Variants in SLC1A3 observed in about 807,000 individuals in gnomAD.
SLC1A3 encodes the protein solute carrier family 1 member 3.
Under a neutral mutation model 48.1 loss-of-function variants are expected in SLC1A3, and 21 were observed. The observed-to-expected ratio is 0.44, with a 90% CI of 0.31 to 0.63. SLC1A3 has a LOEUF of 0.63. Ranked by LOEUF, SLC1A3 falls within the 20% of genes least tolerant of loss-of-function variation. The pLI is 0.08. For missense variants in SLC1A3, 546 were observed against 689.0 expected, an observed-to-expected ratio of 0.79 and a Z score of 2.32; for synonymous variants, 239 against 251.4, an observed-to-expected ratio of 0.95 and a Z score of 0.47.
Position 36,653,201 on chromosome 5 carries a change from C to T in SLC1A3, c.320-17828C>T, listed in dbSNP as rs146728736. ...CTGCCATCACACTTCTCAGCAGCTGCTTACAATTCTTTCACGTTCCCTCCC... is the reference window on the plus strand; with the variant it reads ...CTGCCATCACACTTCTCAGCAGCTGTTTACAATTCTTTCACGTTCCCTCCC... On this transcript the variant is annotated intron_variant, in intron 3 of 9. Coordinates refer to ENST00000265113, the MANE Select transcript of SLC1A3 (RefSeq NM_004172.5). Among the ~76,000 whole-genome samples, 889 of 152,316 alleles carry T rather than the reference C, an allele frequency of 5.8e-3. 9 individuals carry two copies. Among genetic ancestry groups the T allele is most frequent in the Non-Finnish European group, 6.5e-3 (445 of 68,014 alleles).
chr5:36,648,226 A>G (rs753813), intron 3 of SLC1A3, among the ~76,000 whole-genome samples: 28,658 of 152,056 alleles, frequency 0.19, 2,868 homozygotes, highest in Non-Finnish European at 0.24. Flanking sequence ...AAAGATTTGC[A>G]TTTCAATTTT....
chr5:36,596,806 G>T (rs1161612393), intron 1 of SLC1A3, among the ~76,000 whole-genome samples: 1 of 152,196 alleles, frequency 6.6e-6, no homozygotes, highest in African/African-American at 2.4e-5. Context: ...TCTCTGCCTT[G>T]TGAATGTTAG....
At position 36,600,759 on chromosome 5, in the gene SLC1A3, C is replaced by T. The variant is rs146385516; in HGVS notation, c.-96+4081C>T. Among the ~76,000 whole-genome samples, 530 of 152,316 alleles carry T rather than the reference C, an allele frequency of 3.5e-3. 2 individuals are homozygous for T. Among genetic ancestry groups the T allele is most frequent in the African/African-American group, 0.012 (507 of 41,568 alleles). On this transcript the variant is annotated intron_variant, in intron 1 of 9. Transcript: ENST00000680318. Reference sequence around the variant, plus strand: ...TTTCAGCTTAGAATCAATCCATAGGCACGACATTCACAGAAGATAGAATTT... The same window carrying T: ...TTTCAGCTTAGAATCAATCCATAGGTACGACATTCACAGAAGATAGAATTT...
intron 3 of SLC1A3, among the ~76,000 whole-genome samples, chr5:36,660,557 A>C (rs1741463456): frequency 6.6e-6 from 1 of 152,210 alleles, no homozygotes; most frequent in South Asian, 2.1e-4. Context: ...TGGGGGCAAA[A>C]ATGTAGCTTT....
chr5:36,612,430 A>C (rs1020112018), intron 2 of SLC1A3, among the ~76,000 whole-genome samples: 1 of 152,066 alleles, frequency 6.6e-6, no homozygotes, highest in Non-Finnish European at 1.5e-5. Flanking sequence ...AACATTTTTT[A>C]AAAAAGTATC....
At chr5:36,620,201 G>T (rs1417254792) in intron 2 of SLC1A3, among the ~76,000 whole-genome samples, 1 of 152,138 alleles carries the variant, frequency 6.6e-6, no homozygotes. Context: ...CTACAGGTTT[G>T]ATGTGAAAAT....
Position 36,618,552 on chromosome 5 carries a change from G to C in SLC1A3, c.181+9948G>C, listed in dbSNP as rs952633130. Among the ~76,000 whole-genome samples the C allele has an allele frequency of 1.3e-4, 20 of 152,240 alleles. No homozygotes were observed. The South Asian group carries it at 3.8e-3, about 29-fold the overall frequency. The stretch of plus-strand genomic sequence containing the variant: ...AACAGTCTGAGCACAGATGGGTCTC[G>C]GCTGGGCTCTAGAGCAGAACATAAA... On this transcript the variant is annotated intron_variant, in intron 2 of 9. Transcript: ENST00000265113.
In SLC1A3 at chr5:36,629,436, T is replaced by C. The variant is rs753038366; in HGVS notation, c.182-14T>C. The C allele has an allele frequency of 1.9e-6, 3 of 1,609,004 alleles. No individual in the cohort carries two copies. In the South Asian group the frequency reaches 3.3e-5, roughly 18 times the overall value. On this transcript the variant is annotated splice_polypyrimidine_tract_variant and intron_variant, in intron 2 of 9. Transcript: ENST00000265113. ...CTCAATTTTTCTTTTTCTTTTTTTT[T>C]TTTTTTCCTTCAGGTACAATCCTTG... is the stretch of plus-strand genomic sequence containing the variant.
At chr5:36,622,960 C>G (rs1309861413) in intron 2 of SLC1A3, among the ~76,000 whole-genome samples, 2 of 145,694 alleles carry the variant, frequency 1.4e-5, no homozygotes. Context: ...TGCAGTGAGC[C>G]GAGATCGCAC....
chr5:36,655,964 T>C (rs1053286201), intron 3 of SLC1A3, among the ~76,000 whole-genome samples: 1 of 152,180 alleles, frequency 6.6e-6, no homozygotes, highest in Non-Finnish European at 1.5e-5. Flanking sequence ...GGACGCATGA[T>C]TGCTCCTCAG....
At chr5:36,639,746 A>C (rs1279173254) in intron 3 of SLC1A3, among the ~76,000 whole-genome samples, 3 of 152,216 alleles carry the variant, frequency 2.0e-5, no homozygotes, top group African/African-American at 7.2e-5. Flanking sequence ...CATTTTTATT[A>C]CTCGGGTGGT....
chr5:36,610,063 C>T (rs1739129679), intron 2 of SLC1A3, among the ~76,000 whole-genome samples: 1 of 152,162 alleles, frequency 6.6e-6, no homozygotes. Flanking sequence ...TATGATCTTC[C>T]TCATTTTGTA....
chr5:36,656,812 T>C (rs1580003950), intron 3 of SLC1A3, among the ~76,000 whole-genome samples: 1 of 152,214 alleles, frequency 6.6e-6, no homozygotes, highest in African/African-American at 2.4e-5. Flanking sequence ...TCACTGGGCA[T>C]ATAGTAATCA....
At chr5:36,629,616 GT>G (rs199712940) in intron 3 of SLC1A3, 29 bp downstream of exon 3, 21 of 1,601,670 alleles carry the variant, frequency 1.3e-5, no homozygotes, top group African/African-American at 9.5e-5. Context: ...GGTTTGTTTG[GT>G]TTTTTTTAAG....
intron 3 of SLC1A3, among the ~76,000 whole-genome samples, chr5:36,650,520 T>G (rs1741018058): frequency 6.6e-6 from 1 of 152,198 alleles, no homozygotes; most frequent in African/African-American, 2.4e-5. Context: ...TATCACCAGC[T>G]TTATCTCTGT....
intron 2 of SLC1A3, among the ~76,000 whole-genome samples, chr5:36,621,468 G>T (rs1388257780): frequency 6.6e-6 from 1 of 152,152 alleles, no homozygotes; most frequent in Non-Finnish European, 1.5e-5. Context: ...AGTCAGTGGA[G>T]GGAGTAGGGG....
intron 6 of SLC1A3, among the ~76,000 whole-genome samples, chr5:36,678,061 C>T (rs543486122): frequency 2.0e-4 from 31 of 152,312 alleles, no homozygotes; most frequent in Middle Eastern, 3.4e-3. Context: ...GGGGAGAGAA[C>T]GCTTTGATTG....
chr5:36,681,898 T>C (rs1482698329), intron 8 of SLC1A3, among the ~76,000 whole-genome samples: 1 of 152,152 alleles, frequency 6.6e-6, no homozygotes, highest in African/African-American at 2.4e-5. Flanking sequence ...TCACTCAACA[T>C]TTTGTTGTGA....
At chr5:36,667,003 T>A (rs1158302733) in intron 3 of SLC1A3, among the ~76,000 whole-genome samples, 1 of 152,242 alleles carries the variant, frequency 6.6e-6, no homozygotes, top group Non-Finnish European at 1.5e-5. Context: ...ATCTTTTACT[T>A]TCTAGAAAGC....
Sources: gnomAD v4.1 joint callset for allele counts (sites outside exome capture counted in the v4.1 genomes callset) on GRCh38, gnomAD v4.1.1 for gene constraint, MANE v1.5 for transcripts, NCBI Gene and HGNC (gene_info 2026-07-23, HGNC 2026-07-21) for gene names.